The following LOC128092252 variants were observed in gnomAD, a reference collection of about 807,000 sequenced individuals.
chr15:50,671,037 A>G, the LOC128092252 span, among the ~76,000 whole-genome samples: 1 of 152,136 alleles, frequency 6.6e-6, no homozygotes, highest in Non-Finnish European at 1.5e-5. Flanking sequence ...TATCATATAC[A>G]TTGCCTCACA....
chr15:50,673,342 A>C, the LOC128092252 span, among the ~76,000 whole-genome samples: 1 of 152,062 alleles, frequency 6.6e-6, no homozygotes, highest in Non-Finnish European at 1.5e-5. Flanking sequence ...TTTAGTGGTG[A>C]CTTGTGAGAT....
At chr15:50,666,263 C>A in the LOC128092252 span, among the ~76,000 whole-genome samples, 399 of 151,522 alleles carry the variant, frequency 2.6e-3, 1 homozygote, top group African/African-American at 9.3e-3. Flanking sequence ...ATGGCAAAAC[C>A]CCATCTCTAC....
the LOC128092252 span, among the ~76,000 whole-genome samples, chr15:50,652,922 G>C: frequency 6.6e-6 from 1 of 152,188 alleles, no homozygotes; most frequent in Non-Finnish European, 1.5e-5. Context: ...AGCACTTTGA[G>C]AGGCCAAAGT....
At chr15:50,653,378 G>A in the LOC128092252 span, among the ~76,000 whole-genome samples, 2 of 152,178 alleles carry the variant, frequency 1.3e-5, no homozygotes, top group Non-Finnish European at 2.9e-5. Flanking sequence ...TTCCTCAACA[G>A]ATAACATAAT....
the LOC128092252 span, among the ~76,000 whole-genome samples, chr15:50,662,460 C>G: frequency 6.6e-6 from 1 of 152,004 alleles, no homozygotes; most frequent in Non-Finnish European, 1.5e-5. Flanking sequence ...ATCTTAGAGA[C>G]CAAAGACACA....
At chr15:50,671,938 C>A in the LOC128092252 span, among the ~76,000 whole-genome samples, 2 of 152,056 alleles carry the variant, frequency 1.3e-5, no homozygotes, top group Non-Finnish European at 2.9e-5. Flanking sequence ...ATGGCATATA[C>A]AACTATGTAC....
At chr15:50,671,906 G>C in the LOC128092252 span, among the ~76,000 whole-genome samples, 1 of 152,124 alleles carries the variant, frequency 6.6e-6, no homozygotes, top group Non-Finnish European at 1.5e-5. Flanking sequence ...AAACAAACCT[G>C]CACTGCCAGT....
the LOC128092252 span, among the ~76,000 whole-genome samples, chr15:50,670,874 G>A: frequency 6.6e-6 from 1 of 151,626 alleles, no homozygotes; most frequent in Non-Finnish European, 1.5e-5. Flanking sequence ...GCCAAAACGT[G>A]TCAAAACATA....
the LOC128092252 span, among the ~76,000 whole-genome samples, chr15:50,685,137 T>C: frequency 6.6e-6 from 1 of 152,234 alleles, no homozygotes; most frequent in Non-Finnish European, 1.5e-5. Context: ...TATATGGTAG[T>C]TCATTCTACA....
At chr15:50,663,586 A>C in the LOC128092252 span, among the ~76,000 whole-genome samples, 1 of 151,940 alleles carries the variant, frequency 6.6e-6, no homozygotes, top group African/African-American at 2.4e-5. Context: ...TCAAATAGTC[A>C]AACAGGAGGG....
the LOC128092252 span, among the ~76,000 whole-genome samples, chr15:50,674,470 AT>A: frequency 1.3e-5 from 2 of 152,158 alleles, no homozygotes; most frequent in Non-Finnish European, 2.9e-5. Flanking sequence ...GTCACAATGT[AT>A]ATGTTTTTGT....
the LOC128092252 span, among the ~76,000 whole-genome samples, chr15:50,650,192 CAAAAAAAAAAAAAAA>C: frequency 3.1e-4 from 19 of 62,292 alleles, 1 homozygote; most frequent in African/African-American, 9.3e-4. Flanking sequence ...GACTTTGTCT[CAAAAAAAAAAAAAAA>C]AAAAAAAAAA....
At chr15:50,672,038 C>T in the LOC128092252 span, among the ~76,000 whole-genome samples, 1 of 151,988 alleles carries the variant, frequency 6.6e-6, no homozygotes, top group Admixed American at 6.6e-5. Context: ...TGTACTCCTA[C>T]CTATTTTTGT....
At chr15:50,653,581 T>G in the LOC128092252 span, among the ~76,000 whole-genome samples, 2 of 151,994 alleles carry the variant, frequency 1.3e-5, no homozygotes, top group African/African-American at 4.8e-5. Context: ...ACACATGAGG[T>G]AAACCCCCAT....
chr15:50,649,816 T>C, the LOC128092252 span, among the ~76,000 whole-genome samples: 6 of 151,922 alleles, frequency 3.9e-5, no homozygotes, highest in Non-Finnish European at 5.9e-5. Context: ...CAGCTAGAGT[T>C]TGTGAGGTAG....
chr15:50,669,281 A>C, the LOC128092252 span, among the ~76,000 whole-genome samples: 1 of 148,896 alleles, frequency 6.7e-6, no homozygotes, highest in Admixed American at 6.6e-5. Flanking sequence ...TAAAAATACA[A>C]AAAATTAGCC....
the LOC128092252 span, among the ~76,000 whole-genome samples, chr15:50,651,483 A>C: frequency 6.6e-6 from 1 of 151,912 alleles, no homozygotes; most frequent in Non-Finnish European, 1.5e-5. Context: ...GTCTGTAATA[A>C]AAATAAAAAA....
the LOC128092252 span, among the ~76,000 whole-genome samples, chr15:50,649,665 C>A: frequency 6.6e-6 from 1 of 152,090 alleles, no homozygotes; most frequent in Non-Finnish European, 1.5e-5. Context: ...GTGTCTGAGG[C>A]TGGGGTACAA....
At chr15:50,671,796 C>T in the LOC128092252 span, among the ~76,000 whole-genome samples, 1 of 151,682 alleles carries the variant, frequency 6.6e-6, no homozygotes, top group African/African-American at 2.4e-5. Context: ...GGTGAGAGAA[C>T]TTGTCTCGAA....
Sources: gnomAD v4.1 joint callset for allele counts (sites outside exome capture counted in the v4.1 genomes callset) on GRCh38, gnomAD v4.1.1 for gene constraint, MANE v1.5 for transcripts.